Variants in BCAS3 observed in about 807,000 individuals in gnomAD.
BCAS3 encodes BCAS4/BCAS3 fusion.
BCAS3 carries 53 observed loss-of-function variants against 116.1 expected under a neutral mutation model. The ratio of observed to expected loss-of-function variants is 0.46; its 90% CI spans 0.37 to 0.57. BCAS3 has a LOEUF of 0.57. Among genes scored for constraint, BCAS3 ranks in the 20% least tolerant of loss-of-function variants. The pLI is 0.00. For synonymous variants in BCAS3, 391 were observed against 408.2 expected, an observed-to-expected ratio of 0.96 and a Z score of 0.51; for missense variants, 917 against 1,165.4, an observed-to-expected ratio of 0.79 and a Z score of 3.10.
At position 61,279,635 on chromosome 17, in the gene BCAS3, A is replaced by G. The variant is rs2051064813; in HGVS notation, c.2426-88692A>G. Among the ~76,000 whole-genome samples the G allele has an allele frequency of 6.6e-6, 1 of 152,172 alleles. No homozygotes were observed. Among genetic ancestry groups the G allele is most frequent in the Non-Finnish European group, 1.5e-5 (1 of 68,036 alleles). On this transcript the variant is annotated intron_variant, in intron 22 of 23. Coordinates refer to ENST00000407086, the MANE Select transcript of BCAS3 (RefSeq NM_017679.5). The surrounding 1 kb of genome is among the most constrained non-coding windows in gnomAD (Gnocchi z 4.4). ...CTCATCACTGCCTTGGGATAAGCAT[A>G]TATTACATTCAGTCTTAATCCCTTG...
intron 10 of BCAS3, among the ~76,000 whole-genome samples, chr17:60,891,230 C>T (rs534958478): frequency 7.2e-5 from 11 of 152,256 alleles, no homozygotes; most frequent in Admixed American, 1.3e-4. Context: ...TAAATTGTCC[C>T]TTGGTTCTTG....
chr17:60,970,309 AAAGAC>A (rs1168171835), intron 14 of BCAS3, among the ~76,000 whole-genome samples: 1 of 152,164 alleles, frequency 6.6e-6, no homozygotes, highest in Non-Finnish European at 1.5e-5. Flanking sequence ...AGTTAATACA[AAAGAC>A]AGGAAAGGAA....
intron 22 of BCAS3, among the ~76,000 whole-genome samples, chr17:61,202,635 G>A (rs1206612345): frequency 3.9e-5 from 6 of 151,962 alleles, no homozygotes; most frequent in Admixed American, 1.3e-4. Context: ...CCAAAATCTT[G>A]TTTGATCTCA....
chr17:61,252,881 ATTT>A (rs35598768), intron 22 of BCAS3, among the ~76,000 whole-genome samples: 1 of 137,644 alleles, frequency 7.3e-6, no homozygotes, highest in African/African-American at 2.7e-5. Flanking sequence ...GTTCCTATAC[ATTT>A]TTTTTTTTTT....
Position 61,220,631 on chromosome 17 carries a change from C to T in BCAS3, c.2425+136067C>T, listed in dbSNP as rs140212925. 2.0e-4 allele frequency among the ~76,000 whole-genome samples: 30 copies of T among 151,966 alleles called. No individual in the cohort carries two copies. Among genetic ancestry groups the T allele is most frequent in the African/African-American group, 7.0e-4 (29 of 41,428 alleles). ...CACTACATTGATTTCCCCCCTGTGGCGCCAAAGACAGTTCTTGATCTCTAC... is the reference window on the plus strand; with the variant it reads ...CACTACATTGATTTCCCCCCTGTGGTGCCAAAGACAGTTCTTGATCTCTAC... On this transcript the variant is annotated intron_variant, in intron 22 of 23. Transcript: ENST00000407086. The surrounding 1 kb of genome is among the most constrained non-coding windows in gnomAD (Gnocchi z 4.5).
rs568573078 is a variant in BCAS3 at position 61,020,017 on chromosome 17, A to G, written c.1637+4116A>G. 1.5e-4 allele frequency among the ~76,000 whole-genome samples: 23 copies of G among 152,352 alleles called. No homozygotes were observed. Among genetic ancestry groups the G allele is most frequent in the Non-Finnish European group, 3.1e-4 (21 of 68,024 alleles). ...ATATTCTGTTTTCAATATACCTGATAATGTAGTTGGTAAAATTATGTACTT... is the reference window on the plus strand; with the variant it reads ...ATATTCTGTTTTCAATATACCTGATGATGTAGTTGGTAAAATTATGTACTT... On this transcript the variant is annotated intron_variant, in intron 16 of 23. Coordinates refer to ENST00000407086, the MANE Select transcript of BCAS3 (RefSeq NM_017679.5). The surrounding 1 kb of genome is among the most constrained non-coding windows in gnomAD (Gnocchi z 4.5).
intron 5 of BCAS3, among the ~76,000 whole-genome samples, chr17:60,742,652 C>T (rs1020372744): frequency 2.4e-4 from 36 of 151,556 alleles, no homozygotes; most frequent in Admixed American, 4.6e-4. Flanking sequence ...AGGCTGGTCT[C>T]GAACTCATGA....
chr17:61,206,030 C>A (rs1404175133), intron 22 of BCAS3, among the ~76,000 whole-genome samples: 1 of 152,168 alleles, frequency 6.6e-6, no homozygotes, highest in Non-Finnish European at 1.5e-5. Flanking sequence ...AATAAGCACA[C>A]TCCTCACTTC....
chr17:61,038,631 A>G (rs2067235304), intron 18 of BCAS3, among the ~76,000 whole-genome samples: 1 of 148,082 alleles, frequency 6.8e-6, no homozygotes, highest in Non-Finnish European at 1.5e-5. Context: ...AAAACAAACA[A>G]TACTTCATTC....
rs2082969079 is a variant in BCAS3, at chr17:61,235,464, A to G, written c.2426-132863A>G. Among the ~76,000 whole-genome samples, 2 of 152,202 alleles carry G rather than the reference A, an allele frequency of 1.3e-5. No homozygotes were observed. The highest frequency in any genetic ancestry group is 2.4e-5 in the African/African-American group (1 of 41,444). The stretch of plus-strand genomic sequence containing the variant: ...ATGTGCTTGTTTAGCAGGTAGAGTT[A>G]TTATTCTCTTATGTTCAAATTTATT... On this transcript the variant is annotated intron_variant, in intron 22 of 23. Transcript: ENST00000407086. This position sits in a 1 kb window ranked among gnomAD's most constrained non-coding sequence, Gnocchi z 5.0.
Position 61,222,255 on chromosome 17 carries a change from T to TC in BCAS3, c.2425+137693dup, listed in dbSNP as rs1667701682. ...GCTTAAACCTTTGAAAGAAAGGGCC[T>TC]CCATAGGCTTGTCAAACCATAGACT... On this transcript the variant is annotated intron_variant, in intron 22 of 23. Coordinates refer to ENST00000407086, the MANE Select transcript of BCAS3 (RefSeq NM_017679.5). This position sits in a 1 kb window ranked among gnomAD's most constrained non-coding sequence, Gnocchi z 6.1. Among the ~76,000 whole-genome samples the TC allele has an allele frequency of 6.6e-6, 1 of 152,214 alleles. No individual in the cohort carries two copies.
intron 9 of BCAS3, among the ~76,000 whole-genome samples, chr17:60,884,531 A>C (rs1276268732): frequency 6.9e-6 from 1 of 145,258 alleles, no homozygotes; most frequent in Non-Finnish European, 1.5e-5. Context: ...TTTCATTGTG[A>C]TGTTAGGGTG....
At chr17:60,702,744 A>G (rs1379415493) in intron 4 of BCAS3, among the ~76,000 whole-genome samples, 1 of 151,986 alleles carries the variant, frequency 6.6e-6, no homozygotes, top group African/African-American at 2.4e-5. Flanking sequence ...CGTGTGCCAC[A>G]GCGCCTGGCT....
intron 14 of BCAS3, among the ~76,000 whole-genome samples, chr17:60,951,984 C>T (rs938573070): frequency 1.3e-5 from 2 of 151,926 alleles, no homozygotes; most frequent in Admixed American, 6.6e-5. Flanking sequence ...GTTGGCCAGG[C>T]TGGTCTTGAA....
chr17:60,914,448 A>G (rs1187730896), intron 12 of BCAS3, among the ~76,000 whole-genome samples: 3 of 152,194 alleles, frequency 2.0e-5, no homozygotes, highest in African/African-American at 7.2e-5. Context: ...TGCCAGTTGT[A>G]TTGGAAGGAA....
intron 6 of BCAS3, among the ~76,000 whole-genome samples, chr17:60,778,122 A>G (rs2045476765): frequency 6.6e-6 from 1 of 151,354 alleles, no homozygotes; most frequent in African/African-American, 2.4e-5. Context: ...TTTTCATTTC[A>G]TCCATGGCTT....
chr17:60,850,080 TAC>T (rs2052943142), intron 7 of BCAS3, among the ~76,000 whole-genome samples: 1 of 152,110 alleles, frequency 6.6e-6, no homozygotes, highest in Admixed American at 6.5e-5. Flanking sequence ...TATTCTTTGA[TAC>T]ATCCACTTTC....
rs1041295772 is a variant in BCAS3, at chr17:61,136,581, C to T, written c.2425+52017C>T. 3.9e-5 allele frequency among the ~76,000 whole-genome samples: 6 copies of T among 152,078 alleles called. No individual in the cohort carries two copies. The highest frequency in any genetic ancestry group is 1.9e-4 in the East Asian group (1 of 5,188). ...ATTGTCCCATTTATTTATTGAGAGACGGAGGCTGGATGTTGTCGCCCAGGC... is the reference window on the plus strand; with the variant it reads ...ATTGTCCCATTTATTTATTGAGAGATGGAGGCTGGATGTTGTCGCCCAGGC... On this transcript the variant is annotated intron_variant, in intron 22 of 23. Coordinates refer to ENST00000407086, the MANE Select transcript of BCAS3 (RefSeq NM_017679.5). This position sits in a 1 kb window ranked among gnomAD's most constrained non-coding sequence, Gnocchi z 4.4.
chr17:60,855,459 T>TC, intron 7 of BCAS3, among the ~76,000 whole-genome samples: 1 of 147,866 alleles, frequency 6.8e-6, no homozygotes, highest in African/African-American at 2.5e-5. Flanking sequence ...TAAATTTTTT[T>TC]TTTTTTTTTT....
Sources: allele counts gnomAD v4.1 joint callset (sites outside exome capture counted in the v4.1 genomes callset), GRCh38; gene constraint gnomAD v4.1.1; non-coding constraint Gnocchi (gnomAD v3.1); transcripts MANE v1.5; gene names NCBI Gene and HGNC (gene_info 2026-07-23, HGNC 2026-07-21).